The following TCF12 variants were observed in gnomAD, a reference collection of about 807,000 sequenced individuals.
TCF12 encodes the protein DNA-binding protein HTF4.
TCF12 carries 45 observed loss-of-function variants against 86.0 expected under a neutral mutation model. The observed-to-expected ratio is 0.52, with a 90% CI of 0.41 to 0.67. The LOEUF is 0.67. TCF12 is among the 30% of genes least tolerant of loss of function. The pLI is 0.00. For missense variants in TCF12, 881 were observed against 859.9 expected (o/e 1.02, Z -0.31); for synonymous variants, 330 against 299.6 (o/e 1.10, Z -1.05).
At chr15:56,948,999 A>G (rs761118855) in intron 3 of TCF12, among the ~76,000 whole-genome samples, 14 of 152,334 alleles carry the variant, frequency 9.2e-5, no homozygotes, top group Non-Finnish European at 1.3e-4. Context: ...TTGGGTGACT[A>G]TGCATGAGGG....
At chr15:57,204,582 C>T (rs1241802048) in intron 8 of TCF12, among the ~76,000 whole-genome samples, 4 of 151,944 alleles carry the variant, frequency 2.6e-5, no homozygotes, top group African/African-American at 4.8e-5. Flanking sequence ...CATTTGTTAT[C>T]GTAAATTTGA....
At chr15:57,271,981 G>T (rs1252726183) in intron 18 of TCF12, among the ~76,000 whole-genome samples, 1 of 152,042 alleles carries the variant, frequency 6.6e-6, no homozygotes, top group African/African-American at 2.4e-5. Context: ...CCTCCATCCC[G>T]TGGTCCTTGG....
At chr15:57,142,233 A>G (rs1300372306) in intron 5 of TCF12, among the ~76,000 whole-genome samples, 1 of 152,166 alleles carries the variant, frequency 6.6e-6, no homozygotes, top group African/African-American at 2.4e-5. Flanking sequence ...CAAATATAGG[A>G]AGGAACAAAA....
At chr15:56,947,351 C>A (rs1389158726) in intron 3 of TCF12, among the ~76,000 whole-genome samples, 1 of 152,120 alleles carries the variant, frequency 6.6e-6, no homozygotes, top group Non-Finnish European at 1.5e-5. Flanking sequence ...AAGGTGACTC[C>A]ATGCACGTTT....
chr15:57,258,858 C>T (rs755469951), intron 16 of TCF12, among the ~76,000 whole-genome samples: 2 of 151,994 alleles, frequency 1.3e-5, no homozygotes, highest in Non-Finnish European at 2.9e-5. Context: ...GACTGACAGG[C>T]AAATAGGGTA....
At chr15:57,092,670 T>C (rs1408962427) in intron 5 of TCF12, among the ~76,000 whole-genome samples, 2 of 152,076 alleles carry the variant, frequency 1.3e-5, no homozygotes, top group African/African-American at 4.8e-5. Context: ...GTATGTTTTA[T>C]GATTTTTTTT....
chr15:56,976,189 C>T (rs557811491), intron 3 of TCF12, among the ~76,000 whole-genome samples: 8 of 149,172 alleles, frequency 5.4e-5, no homozygotes, highest in African/African-American at 9.9e-5. Context: ...AGAACTGTAC[C>T]GTTGGACAAC....
At chr15:57,014,164 G>C (rs1373153748) in intron 3 of TCF12, among the ~76,000 whole-genome samples, 3 of 152,132 alleles carry the variant, frequency 2.0e-5, no homozygotes, top group African/African-American at 7.2e-5. Context: ...TACTGCTGTT[G>C]ATACCTTTTC....
chr15:57,243,663 G>C, intron 13 of TCF12, 113 bp downstream of exon 13: 1 of 903,926 alleles, frequency 1.1e-6, no homozygotes, highest in Non-Finnish European at 1.7e-6. Context: ...TTTAGATTTT[G>C]ACTATAAGAA....
At position 57,166,471 on chromosome 15, in the gene TCF12, G is replaced by A. The variant is rs2054901956; in HGVS notation, c.390+5G>A. ...ACTGGATTACCAGGCTGTCAAGTAA[G>A]TTTAATGATTAAAAAAAGCAATGAG... On this transcript the variant is annotated splice_donor_5th_base_variant and intron_variant, in intron 6 of 20. Coordinates refer to ENST00000333725, the MANE Select transcript of TCF12 (RefSeq NM_207037.2). 1 of 1,610,572 alleles carries A rather than the reference G, an allele frequency of 6.2e-7. No individual in the cohort carries two copies. The highest frequency in any genetic ancestry group is 8.5e-7 in the Non-Finnish European group (1 of 1,178,528).
intron 5 of TCF12, among the ~76,000 whole-genome samples, chr15:57,126,754 T>C (rs1393474024): frequency 6.6e-6 from 1 of 152,138 alleles, no homozygotes; most frequent in Non-Finnish European, 1.5e-5. Flanking sequence ...AAGGTCACAG[T>C]GAGGATCTCT....
At chr15:57,192,494 T>C (rs1004341805) in intron 7 of TCF12, among the ~76,000 whole-genome samples, 12 of 152,132 alleles carry the variant, frequency 7.9e-5, no homozygotes, top group Admixed American at 2.0e-4. Context: ...GCTCAAGCCG[T>C]CCTCCCACCT....
At chr15:56,956,785 T>A (rs1035941666) in intron 3 of TCF12, among the ~76,000 whole-genome samples, 7 of 152,226 alleles carry the variant, frequency 4.6e-5, no homozygotes, top group Admixed American at 4.6e-4. Context: ...GTCTTTTTTC[T>A]TACTGCTTTT....
intron 16 of TCF12, among the ~76,000 whole-genome samples, chr15:57,255,789 T>C (rs367691816): frequency 1.3e-5 from 2 of 151,386 alleles, no homozygotes; most frequent in Admixed American, 6.8e-5. Flanking sequence ...GCCAGAGATA[T>C]TCGTAAAAAG....
At chr15:56,976,243 T>C (rs2062595904) in intron 3 of TCF12, among the ~76,000 whole-genome samples, 1 of 140,914 alleles carries the variant, frequency 7.1e-6, no homozygotes, top group Non-Finnish European at 1.5e-5. Flanking sequence ...TTTTTTTTTT[T>C]TTTTTGAGAT....
At position 57,282,583 on chromosome 15, in the gene TCF12, T is replaced by A. The variant is rs1359582700; in HGVS notation, c.2117T>A (p.Met706Lys). The A allele has an allele frequency of 1.1e-5, 18 of 1,612,822 alleles. No individual in the cohort carries two copies. Among genetic ancestry groups the A allele is most frequent in the Non-Finnish European group, 1.4e-5 (17 of 1,179,744 alleles). The change falls in exon 20 of 21, where the codon ATG (methionine) becomes AAG (lysine). Residue 706 changes from methionine (M) to lysine (K), a missense_variant. Met to Lys is a moderately conservative substitution (Grantham distance 95). Transcript: ENST00000333725. ...LSETTNPMGH[M>K] ...GAAACTACCAACCCTATGGGTCATA[T>A]GTAAACATCAGCCAGGTAAGTACGG...
chr15:57,271,547 C>T (rs761872719), intron 18 of TCF12, among the ~76,000 whole-genome samples: 9 of 152,200 alleles, frequency 5.9e-5, no homozygotes, highest in Non-Finnish European at 1.3e-4. Context: ...GCACTTCCCA[C>T]GTGAGGCAAT....
chr15:57,051,973 T>C (rs865863326), intron 3 of TCF12, among the ~76,000 whole-genome samples: 1 of 152,202 alleles, frequency 6.6e-6, no homozygotes, highest in Non-Finnish European at 1.5e-5. Context: ...TCTATTCTGT[T>C]CCATTGGTCT....
intron 3 of TCF12, among the ~76,000 whole-genome samples, chr15:56,998,251 G>T (rs1456864727): frequency 1.3e-5 from 2 of 152,198 alleles, no homozygotes; most frequent in African/African-American, 4.8e-5. Flanking sequence ...GAGGTCAGGA[G>T]TTCTAGACCA....
Sources: gnomAD v4.1 joint callset for allele counts (sites outside exome capture counted in the v4.1 genomes callset) on GRCh38, gnomAD v4.1.1 for gene constraint, MANE v1.5 for transcripts, NCBI Gene and HGNC (gene_info 2026-07-23, HGNC 2026-07-21) for gene names.